Variants in HOXB3 observed in about 807,000 individuals in gnomAD.
HOXB3 encodes homeobox protein Hox-B3.
Under a neutral mutation model 29.2 loss-of-function variants are expected in HOXB3, and 17 were observed. That is an observed-to-expected ratio of 0.58 (90% CI 0.40 to 0.87). The LOEUF is 0.87. Ranked by LOEUF, HOXB3 falls within the 40% of genes least tolerant of loss-of-function variation. The pLI is 0.00. For missense variants in HOXB3, 637 were observed against 616.3 expected, an observed-to-expected ratio of 1.03 and a Z score of -0.35; for synonymous variants, 317 against 285.9, an observed-to-expected ratio of 1.11 and a Z score of -1.10.
intron 2 of HOXB3, among the ~76,000 whole-genome samples, chr17:48,557,797 T>G (rs2069047306): frequency 6.6e-6 from 1 of 152,080 alleles, no homozygotes; most frequent in Non-Finnish European, 1.5e-5. Flanking sequence ...ATCAAGAAAA[T>G]AAAACATCCA....
Position 48,554,957 on chromosome 17 carries a change from C to A in HOXB3, c.-159+574G>T. ...AAGCCAAACAGATCTATTTCCCTTG[C>A]CTCCATGTTGGAAAAATTCAGGTTC... On this transcript the variant is annotated intron_variant, in intron 3 of 4. Coordinates refer to ENST00000498678, the MANE Select transcript of HOXB3 (RefSeq NM_001384749.1). This position sits in a 1 kb window ranked among gnomAD's most constrained non-coding sequence, Gnocchi z 4.1. 1.6e-6 allele frequency: 1 copy of A among 627,386 alleles called. No homozygotes were observed. Among genetic ancestry groups the A allele is most frequent in the African/African-American group, 1.8e-5 (1 of 54,548 alleles). 38.9% of individuals were successfully genotyped at this position (627,386 alleles called of 1,614,324 possible).
At chr17:48,579,407 T>G (rs2069876249) in intron 1 of HOXB3, 1 of 152,528 alleles carries the variant, frequency 6.6e-6, no homozygotes, top group African/African-American at 2.4e-5. Flanking sequence ...ATAACACTCC[T>G]TGGTAATCGA....
Position 48,554,855 on chromosome 17 carries a change from A to G in HOXB3, c.-159+676T>C. 2.8e-6 allele frequency: 2 copies of G among 702,232 alleles called. No homozygotes were observed. Among genetic ancestry groups the G allele is most frequent in the Non-Finnish European group, 5.2e-6 (2 of 384,746 alleles). The allele number at this position is 702,232 out of a possible 1,614,324, so 43.5% of individuals were successfully genotyped here. On this transcript the variant is annotated intron_variant, in intron 3 of 4. Coordinates refer to ENST00000498678, the MANE Select transcript of HOXB3 (RefSeq NM_001384749.1). This position sits in a 1 kb window ranked among gnomAD's most constrained non-coding sequence, Gnocchi z 4.1. The stretch of plus-strand genomic sequence containing the variant: ...GGCGCCGAGGCCTGGCGGACGGGAC[A>G]GTGGGAAGAGAGAAAGGTGCTAAGG...
chr17:48,570,957 A>C (rs1241641436), intron 2 of HOXB3, among the ~76,000 whole-genome samples: 1 of 152,246 alleles, frequency 6.6e-6, no homozygotes, highest in African/African-American at 2.4e-5. Flanking sequence ...GAGAGAGCAG[A>C]GAGAGGAGAG....
rs544041703 is a variant in HOXB3, at chr17:48,551,123, C to T, written c.507G>A (p.Gly169=). ...GGGGGGSGGS[G]GGGGGGGGGD... Reference sequence around the variant, plus strand: ...CTCCCCCGCCGCCGCCGCCACCGCCCCCGCTGCCACCACTGCCTCCGCCGC... The same window carrying T: ...CTCCCCCGCCGCCGCCGCCACCGCCTCCGCTGCCACCACTGCCTCCGCCGC... Residue 169 remains glycine, a synonymous_variant, in exon 5 of 5, where the codon GGG becomes GGA. Transcript: ENST00000498678. 3.7e-6 allele frequency: 5 copies of T among 1,346,034 alleles called. No individual in the cohort carries two copies. Among genetic ancestry groups the T allele is most frequent in the Admixed American group, 3.1e-5 (1 of 32,180 alleles). The allele number at this position is 1,346,034 out of a possible 1,614,324, so 83.4% of individuals were successfully genotyped here.
chr17:48,554,168 C>T lies in HOXB3; in HGVS notation c.-159+1363G>A. 5.6e-6 allele frequency: 1 copy of T among 177,768 alleles called. No individual in the cohort carries two copies. The highest frequency in any genetic ancestry group is 1.2e-5 in the Non-Finnish European group (1 of 82,586). 11.0% of individuals were successfully genotyped at this position (177,768 alleles called of 1,614,324 possible). ...TTATTATTATTACCATTAGCCTCTG[C>T]TGATTTAACCAAAATTAGCTTCCAA... is the stretch of plus-strand genomic sequence containing the variant. On this transcript the variant is annotated intron_variant, in intron 3 of 4. Transcript: ENST00000498678. The surrounding 1 kb of genome is among the most constrained non-coding windows in gnomAD (Gnocchi z 4.1).
chr17:48,589,717 C>A (rs1404581037), intron 1 of HOXB3, among the ~76,000 whole-genome samples: 1 of 152,142 alleles, frequency 6.6e-6, no homozygotes, highest in Non-Finnish European at 1.5e-5. Flanking sequence ...ACACCTCCGA[C>A]AAATGAATGT....
intron 2 of HOXB3, among the ~76,000 whole-genome samples, chr17:48,560,512 C>T (rs2069154898): frequency 6.6e-6 from 1 of 152,078 alleles, no homozygotes; most frequent in African/African-American, 2.4e-5. Flanking sequence ...CCCATCTCTT[C>T]CCATCTTCTT....
In HOXB3 at chr17:48,555,533, T is replaced by C. The variant is rs2068950432; in HGVS notation, c.-161A>G. The C allele has an allele frequency of 1.4e-6, 1 of 702,626 alleles. No individual in the cohort carries two copies. The highest frequency in any genetic ancestry group is 2.0e-5 in the Admixed American group (1 of 49,996). 43.5% of individuals were successfully genotyped at this position (702,626 alleles called of 1,614,324 possible). A position where few individuals can be genotyped will look rare whatever the true frequency, so the allele number is the denominator to read the frequency against. On this transcript the variant is annotated splice_region_variant and 5_prime_UTR_variant, in exon 3 of 5. An upstream open reading frame in the 5' UTR loses its in-frame stop. Transcript: ENST00000498678. ...TAGCCTATTTCAGTCCAGCTTACCTTAGCCACCGACGAGGGGAGAACAGGC... is the reference window on the plus strand; with the variant it reads ...TAGCCTATTTCAGTCCAGCTTACCTCAGCCACCGACGAGGGGAGAACAGGC...
In HOXB3 at chr17:48,550,063, G is replaced by A; in HGVS notation, c.*271C>T. On this transcript the variant is annotated 3_prime_UTR_variant, in exon 5 of 5. Transcript: ENST00000498678. ...ACTCCCGGGCGTGGAATTCCAACTT[G>A]GTAGTGCTGGAGCCCTGGGGTTGAT... The A allele has an allele frequency of 2.4e-6, 1 of 425,132 alleles. No homozygotes were observed. Among genetic ancestry groups the A allele is most frequent in the Non-Finnish European group, 4.2e-6 (1 of 236,400 alleles). The allele number at this position is 425,132 out of a possible 1,614,324, so 26.3% of individuals were successfully genotyped here.
chr17:48,551,175 C>A lies in HOXB3; in HGVS notation c.455G>T (p.Gly152Val), dbSNP rs2068725430. Residue 152 changes from glycine (G) to valine (V), a missense_variant, in exon 5 of 5, where the codon GGC becomes GTC. Physicochemically the swap from Gly to Val is moderately radical, Grantham distance 109. Transcript: ENST00000498678. The stretch of plus-strand genomic sequence containing the variant: ...GCCGCCACCGCCGCCGCCACCACAG[C>A]CCTCTGCTGGATCCGAGGGGGAGGG... Reference protein sequence around the residue: ...LKNNSPGTAEGCGGGGGGGGG... With the variant: ...LKNNSPGTAEVCGGGGGGGGG... 2.3e-6 allele frequency: 3 copies of A among 1,296,684 alleles called. No individual in the cohort carries two copies. The highest frequency in any genetic ancestry group is 2.9e-6 in the Non-Finnish European group (3 of 1,022,008). The allele number at this position is 1,296,684 out of a possible 1,614,324, so 80.3% of individuals were successfully genotyped here. A position where few individuals can be genotyped will look rare whatever the true frequency, so the allele number is the denominator to read the frequency against.
At chr17:48,585,503 A>G (rs2070030285) in intron 1 of HOXB3, among the ~76,000 whole-genome samples, 1 of 152,196 alleles carries the variant, frequency 6.6e-6, no homozygotes, top group Non-Finnish European at 1.5e-5. Context: ...GACGCCTCAG[A>G]GGCCCCAGCC....
At chr17:48,581,237 T>G (rs1171682648) in intron 1 of HOXB3, 3 of 152,218 alleles carry the variant, frequency 2.0e-5, no homozygotes, top group Non-Finnish European at 4.4e-5. Flanking sequence ...CTTTTAATCT[T>G]AAATCTAGGA....
intron 3 of HOXB3, chr17:48,555,303 G>T: frequency 1.8e-6 from 1 of 552,290 alleles, no homozygotes. Context: ...GAAAAGAGGA[G>T]AGAAGCAGGA....
chr17:48,568,647 G>GCA (rs1229538100), intron 2 of HOXB3, among the ~76,000 whole-genome samples: 1 of 151,002 alleles, frequency 6.6e-6, no homozygotes, highest in African/African-American at 2.5e-5. Context: ...GCACACACAC[G>GCA]CGCGGACACA....
chr17:48,578,080 G>GGGA (rs2069828949), intron 1 of HOXB3: 1 of 1,059,926 alleles, frequency 9.4e-7, no homozygotes. Flanking sequence ...GGGGCGGCGG[G>GGGA]GGTGGTGGCG....
chr17:48,556,231 C>T (rs542678826), intron 2 of HOXB3, among the ~76,000 whole-genome samples: 2 of 151,082 alleles, frequency 1.3e-5, no homozygotes, highest in South Asian at 4.2e-4. Context: ...CAAGGAAGGG[C>T]GGTGAAGTTC....
At chr17:48,585,935 G>A (rs2070037784) in intron 1 of HOXB3, among the ~76,000 whole-genome samples, 1 of 152,172 alleles carries the variant, frequency 6.6e-6, no homozygotes, top group South Asian at 2.1e-4. Context: ...AAAATGGTCT[G>A]GGGCCTGCGA....
In HOXB3 at chr17:48,561,386, G is replaced by A. The variant is rs192784990; in HGVS notation, c.-246-5768C>T. Among the ~76,000 whole-genome samples the A allele has an allele frequency of 6.6e-5, 10 of 152,206 alleles. No individual in the cohort carries two copies. The East Asian group carries it at 1.9e-3, about 29-fold the overall frequency. ...CTTCTAGTTCCACTGCTCTCCTCAG[G>A]GCTACTCCTCAGCTGAGAATAAGGG... On this transcript the variant is annotated intron_variant, in intron 2 of 4. Transcript: ENST00000498678.
Sources: gnomAD v4.1 joint callset for allele counts (sites outside exome capture counted in the v4.1 genomes callset) on GRCh38, gnomAD v4.1.1 for gene constraint, Gnocchi (gnomAD v3.1) non-coding constraint, MANE v1.5 for transcripts, NCBI Gene and HGNC (gene_info 2026-07-23, HGNC 2026-07-21) for gene names.